The following LYPLAL1 variants were observed in gnomAD, a reference collection of about 807,000 sequenced individuals.
LYPLAL1 encodes the protein lysophospholipase-like protein 1.
A neutral mutation model predicts 19.7 loss-of-function variants in LYPLAL1; 23 were observed. That is an observed-to-expected ratio of 1.17 (90% CI 0.84 to 1.65). The LOEUF is 1.65. Ranked by LOEUF, LYPLAL1 falls within the 40% of genes most tolerant of loss-of-function variation. The pLI is 0.00. For synonymous variants in LYPLAL1, 119 were observed against 96.3 expected (o/e 1.24, Z -1.38); for missense variants, 355 against 279.4 (o/e 1.27, Z -1.93).
chr1:219,297,090 C>A, the LYPLAL1 span, among the ~76,000 whole-genome samples: 1 of 152,188 alleles, frequency 6.6e-6, no homozygotes, highest in African/African-American at 2.4e-5. Context: ...ATAGTCCAAA[C>A]TGATGTTTAT....
the LYPLAL1 span, among the ~76,000 whole-genome samples, chr1:219,445,023 C>T: frequency 6.6e-6 from 1 of 151,320 alleles, no homozygotes; most frequent in African/African-American, 2.4e-5. Flanking sequence ...TCACAATATG[C>T]TTTCTAGACC....
the LYPLAL1 span, among the ~76,000 whole-genome samples, chr1:219,238,332 T>TTTTC: frequency 1.2e-5 from 1 of 85,536 alleles, no homozygotes; most frequent in South Asian, 3.8e-4. Context: ...TTTTTTTTTT[T>TTTTC]AGTAGAGACG....
chr1:219,228,459 A>ATATATATAT, the LYPLAL1 span, among the ~76,000 whole-genome samples: 2 of 152,136 alleles, frequency 1.3e-5, no homozygotes, highest in South Asian at 2.1e-4. Flanking sequence ...TCCAATATAG[A>ATATATATAT]AAACGTTCCC....
chr1:219,201,973 CG>C (rs1658147131), intron 3 of LYPLAL1, among the ~76,000 whole-genome samples: 1 of 152,102 alleles, frequency 6.6e-6, no homozygotes, highest in Non-Finnish European at 1.5e-5. Context: ...CTGAACCTCT[CG>C]TATGTATTTG....
rs1657316206 is a variant in LYPLAL1 at position 219,193,070 on chromosome 1, G to T, written c.192-12G>T. On this transcript the variant is annotated splice_polypyrimidine_tract_variant and intron_variant, in intron 2 of 4. Transcript: ENST00000366928. ...CTTTCTTTTTTTTTGGGGGGGGGCG[G>T]TTGTTAAACAGATCATATACTCCTA... The T allele has an allele frequency of 6.5e-7, 1 of 1,547,958 alleles. No individual in the cohort carries two copies. The highest frequency in any genetic ancestry group is 8.8e-7 in the Non-Finnish European group (1 of 1,142,626).
intron 3 of LYPLAL1, among the ~76,000 whole-genome samples, chr1:219,203,526 G>T (rs897220553): frequency 6.6e-6 from 1 of 152,176 alleles, no homozygotes; most frequent in African/African-American, 2.4e-5. Context: ...AAGGTATAGC[G>T]TAAGCAGCAA....
the LYPLAL1 span, among the ~76,000 whole-genome samples, chr1:219,374,334 G>A: frequency 3.0e-4 from 46 of 152,084 alleles, no homozygotes; most frequent in African/African-American, 8.9e-4. Context: ...TATATCAGCC[G>A]TGGGTGAGCG....
At chr1:219,174,862 T>A in intron 1 of LYPLAL1, 1 of 977,160 alleles carries the variant, frequency 1.0e-6, no homozygotes, top group East Asian at 1.1e-4. Flanking sequence ...ACAATCCAAT[T>A]AGTTTGAGTC....
intron 1 of LYPLAL1, chr1:219,174,232 TCAGC>T: frequency 2.9e-6 from 4 of 1,382,854 alleles, no homozygotes; most frequent in Non-Finnish European, 3.7e-6. Context: ...GTCCCGCCGC[TCAGC>T]CAGCCCTCCA....
At chr1:219,415,073 A>G in the LYPLAL1 span, among the ~76,000 whole-genome samples, 1 of 152,250 alleles carries the variant, frequency 6.6e-6, no homozygotes, top group Non-Finnish European at 1.5e-5. Flanking sequence ...GGACATATAA[A>G]TAGAAGAATG....
chr1:219,400,795 C>T, the LYPLAL1 span, among the ~76,000 whole-genome samples: 2 of 152,286 alleles, frequency 1.3e-5, no homozygotes, highest in South Asian at 2.1e-4. Flanking sequence ...CCACTGCACC[C>T]GGCCTGTCTA....
At chr1:219,277,634 A>G in the LYPLAL1 span, among the ~76,000 whole-genome samples, 3 of 152,120 alleles carry the variant, frequency 2.0e-5, no homozygotes, top group African/African-American at 7.2e-5. Context: ...GGCCTCACAC[A>G]CTATCTTCTT....
At chr1:219,188,621 G>A (rs1052243727) in intron 2 of LYPLAL1, among the ~76,000 whole-genome samples, 7 of 151,282 alleles carry the variant, frequency 4.6e-5, no homozygotes, top group Non-Finnish European at 3.0e-5. Context: ...ATGAACTTTC[G>A]ATTTTATGAC....
the LYPLAL1 span, among the ~76,000 whole-genome samples, chr1:219,352,939 T>A: frequency 2.9e-4 from 44 of 152,374 alleles, no homozygotes; most frequent in East Asian, 7.5e-3. Context: ...TATTTCTTAT[T>A]TTCTATAGTG....
At chr1:219,412,283 T>C in the LYPLAL1 span, among the ~76,000 whole-genome samples, 1 of 152,170 alleles carries the variant, frequency 6.6e-6, no homozygotes, top group East Asian at 1.9e-4. Flanking sequence ...TGCCTTGGCC[T>C]CCCAAAGTGC....
chr1:219,348,113 A>AATTTCAC, the LYPLAL1 span, among the ~76,000 whole-genome samples: 2 of 152,212 alleles, frequency 1.3e-5, no homozygotes, highest in Admixed American at 1.3e-4. Flanking sequence ...AGGGAAAGTC[A>AATTTCAC]ATTTCACATG....
chr1:219,184,320 C>T (rs1572161752), intron 2 of LYPLAL1, among the ~76,000 whole-genome samples: 2 of 151,956 alleles, frequency 1.3e-5, no homozygotes, highest in East Asian at 1.9e-4. Flanking sequence ...ACTTAATTTT[C>T]AAATTGTTGC....
At chr1:219,223,719 CA>C in the LYPLAL1 span, among the ~76,000 whole-genome samples, 1 of 152,082 alleles carries the variant, frequency 6.6e-6, no homozygotes, top group Admixed American at 6.6e-5. Context: ...TAGTTTGGTT[CA>C]GAGCTTCTGG....
At chr1:219,444,177 A>C in the LYPLAL1 span, among the ~76,000 whole-genome samples, 1 of 152,294 alleles carries the variant, frequency 6.6e-6, no homozygotes, top group East Asian at 1.9e-4. Flanking sequence ...CCTTACCCAG[A>C]CACCTTGTTC....
Sources: gnomAD v4.1 joint callset for allele counts (sites outside exome capture counted in the v4.1 genomes callset) on GRCh38, gnomAD v4.1.1 for gene constraint, MANE v1.5 for transcripts, NCBI Gene and HGNC (gene_info 2026-07-23, HGNC 2026-07-21) for gene names.